FOXP2: variants seen among roughly 807,000 people sequenced by gnomAD.
The protein encoded by FOXP2 is forkhead box P2.
Under a neutral mutation model 115.8 loss-of-function variants are expected in FOXP2, and 12 were observed. The observed-to-expected ratio is 0.10, with a 90% CI of 0.07 to 0.17. The LOEUF is 0.17. Ranked by LOEUF, FOXP2 falls within the 10% of genes least tolerant of loss-of-function variation. The pLI, the probability that FOXP2 is intolerant of heterozygous loss-of-function variation, is 1.00. For missense variants in FOXP2, 629 were observed against 843.5 expected, an observed-to-expected ratio of 0.75 and a Z score of 3.15; for synonymous variants, 328 against 297.7, an observed-to-expected ratio of 1.10 and a Z score of -1.05.
intron 1 of FOXP2, among the ~76,000 whole-genome samples, chr7:114,283,002 C>A (rs1007376460): frequency 4.6e-5 from 7 of 152,086 alleles, no homozygotes; most frequent in Non-Finnish European, 1.0e-4. Flanking sequence ...CCTATGATTA[C>A]TTTTTTAAAA....
In FOXP2 at chr7:114,100,280, T is replaced by C. The variant is rs540356598; in HGVS notation, c.-247+12442T>C. ...GCTGAAGAAGTCTTTTCTTCACTTA[T>C]TCTTTATGTATTAATATTCATGTTT... On this transcript the variant is annotated intron_variant, in intron 1 of 19. Transcript: ENST00000635638. Among the ~76,000 whole-genome samples the C allele has an allele frequency of 7.9e-5, 12 of 152,306 alleles. No homozygotes were observed. In the South Asian group the frequency reaches 2.5e-3, roughly 32 times the overall value.
At chr7:114,473,603 G>A (rs1796137785) in intron 2 of FOXP2, among the ~76,000 whole-genome samples, 1 of 151,954 alleles carries the variant, frequency 6.6e-6, no homozygotes, top group African/African-American at 2.4e-5. Context: ...AAAATGAATT[G>A]GTTTATATAC....
At chr7:114,378,401 C>T (rs66647990) in intron 2 of FOXP2, among the ~76,000 whole-genome samples, 54,777 of 151,732 alleles carry the variant, frequency 0.36, 10,469 homozygotes, top group African/African-American at 0.43. Context: ...AAACAAGGAG[C>T]TACCAGGTGC....
Position 114,572,397 on chromosome 7 carries a change from G to C in FOXP2, c.258+37691G>C, listed in dbSNP as rs527315083. Reference sequence around the variant, plus strand: ...AGCTTTTTTGTAACAACATTTGAAAGAAAAATAGCAAAAATTTAAAAATTT... The same window carrying C: ...AGCTTTTTTGTAACAACATTTGAAACAAAAATAGCAAAAATTTAAAAATTT... On this transcript the variant is annotated intron_variant, in intron 3 of 16. Transcript: ENST00000350908. Among the ~76,000 whole-genome samples the C allele has an allele frequency of 2.2e-4, 33 of 151,634 alleles. No individual in the cohort carries two copies. In the South Asian group the frequency reaches 6.6e-3, roughly 30 times the overall value.
chr7:114,303,239 G>C (rs530985763), intron 2 of FOXP2, among the ~76,000 whole-genome samples: 1 of 152,144 alleles, frequency 6.6e-6, no homozygotes, highest in South Asian at 2.1e-4. Flanking sequence ...GATTTTTGAA[G>C]GATAAAATTG....
At chr7:114,436,086 A>G (rs1794333001) in intron 2 of FOXP2, among the ~76,000 whole-genome samples, 5 of 152,166 alleles carry the variant, frequency 3.3e-5, no homozygotes, top group Admixed American at 3.3e-4. Flanking sequence ...AAAGGTGATT[A>G]AAAGAATCAA....
At chr7:114,664,655 T>C in intron 16 of FOXP2, 1 of 567,266 alleles carries the variant, frequency 1.8e-6, no homozygotes, top group Non-Finnish European at 3.1e-6. Flanking sequence ...GTTCCAGCAG[T>C]CCTCTACAGA....
chr7:114,628,470 T>C (rs1169601815), intron 3 of FOXP2, 70 bp from the exon 4 acceptor site: 1 of 1,582,580 alleles, frequency 6.3e-7, no homozygotes, highest in East Asian at 2.2e-5. Flanking sequence ...TAACATACTA[T>C]TTGTGAAGTT....
intron 1 of FOXP2, among the ~76,000 whole-genome samples, chr7:114,207,377 C>G (rs1042537984): frequency 2.0e-5 from 3 of 152,156 alleles, no homozygotes; most frequent in Non-Finnish European, 2.9e-5. Context: ...TTCAAAGTCT[C>G]TGTACCATTT....
intron 3 of FOXP2, among the ~76,000 whole-genome samples, chr7:114,564,968 A>G (rs1276219001): frequency 6.6e-6 from 1 of 151,736 alleles, no homozygotes; most frequent in African/African-American, 2.4e-5. Context: ...CATTAAATAT[A>G]CTATTATATC....
chr7:114,217,224 T>A (rs1319704341), intron 1 of FOXP2, among the ~76,000 whole-genome samples: 1 of 152,208 alleles, frequency 6.6e-6, no homozygotes, highest in East Asian at 1.9e-4. Flanking sequence ...GCAGGCCCTC[T>A]GTAGGGGGCC....
intron 1 of FOXP2, among the ~76,000 whole-genome samples, chr7:114,216,543 A>G (rs1794489420): frequency 6.6e-6 from 1 of 152,168 alleles, no homozygotes; most frequent in Admixed American, 6.5e-5. Flanking sequence ...TATATGTAAT[A>G]TATGCCTTCA....
At position 114,644,542 on chromosome 7, in the gene FOXP2, A is replaced by G. The variant is rs1358738798; in HGVS notation, c.990-143A>G. On this transcript the variant is annotated intron_variant, in intron 7 of 16. Coordinates refer to ENST00000350908, the MANE Select transcript of FOXP2 (RefSeq NM_014491.4). ...CCTTGGCAGTTGAACTATTCAATAG[A>G]ACGATTAAATTTTTCTGACTGCTCT... is the stretch of plus-strand genomic sequence containing the variant. 4 of 699,746 alleles carry G rather than the reference A, an allele frequency of 5.7e-6. No homozygotes were observed. In the Admixed American group the frequency reaches 6.1e-5, roughly 11 times the overall value. 43.3% of individuals were successfully genotyped at this position (699,746 alleles called of 1,614,324 possible).
At chr7:114,660,861 G>A (rs1196723514) in intron 13 of FOXP2, among the ~76,000 whole-genome samples, 1 of 152,040 alleles carries the variant, frequency 6.6e-6, no homozygotes, top group Non-Finnish European at 1.5e-5. Context: ...TAATATCTTA[G>A]CTTGGTCTCA....
chr7:114,588,276 C>A (rs894376003), intron 3 of FOXP2, among the ~76,000 whole-genome samples: 1 of 151,976 alleles, frequency 6.6e-6, no homozygotes, highest in African/African-American at 2.4e-5. Context: ...CACTGCAATC[C>A]AGCCTGGGCA....
chr7:114,213,252 C>T (rs1191909507), intron 1 of FOXP2, among the ~76,000 whole-genome samples: 1 of 152,096 alleles, frequency 6.6e-6, no homozygotes, highest in Non-Finnish European at 1.5e-5. Flanking sequence ...ATATGTTTTT[C>T]TGGTTGAGTA....
intron 3 of FOXP2, among the ~76,000 whole-genome samples, chr7:114,571,128 A>G (rs1297745661): frequency 2.0e-5 from 3 of 151,960 alleles, no homozygotes; most frequent in African/African-American, 7.2e-5. Flanking sequence ...CCTTAAATAT[A>G]TAAAGGCTTT....
intron 1 of FOXP2, among the ~76,000 whole-genome samples, chr7:114,199,665 T>C (rs1460277029): frequency 6.6e-6 from 1 of 152,202 alleles, no homozygotes; most frequent in Non-Finnish European, 1.5e-5. Flanking sequence ...AATGTTTACA[T>C]TGAGACCCCA....
intron 1 of FOXP2, among the ~76,000 whole-genome samples, chr7:114,179,064 T>C (rs1200773618): frequency 6.6e-6 from 1 of 151,962 alleles, no homozygotes; most frequent in Non-Finnish European, 1.5e-5. Flanking sequence ...TCTTAACTTT[T>C]CCAAACCTTT....
Sources: gnomAD v4.1 joint callset for allele counts (sites outside exome capture counted in the v4.1 genomes callset) on GRCh38, gnomAD v4.1.1 for gene constraint, MANE v1.5 for transcripts, NCBI Gene and HGNC (gene_info 2026-07-23, HGNC 2026-07-21) for gene names.